Variants in SLC26A6 observed in about 807,000 individuals in gnomAD.
SLC26A6 encodes anion exchange transporter.
Under a neutral mutation model 87.1 loss-of-function variants are expected in SLC26A6, and 67 were observed. The ratio of observed to expected loss-of-function variants is 0.77; its 90% confidence interval spans 0.63 to 0.94. The LOEUF (loss-of-function observed/expected upper bound fraction) is 0.94. SLC26A6 is among the 40% of genes least tolerant of loss of function. The pLI, the probability that SLC26A6 is intolerant of heterozygous loss-of-function variation, is 0.00. For missense variants in SLC26A6, 902 were observed against 973.0 expected (o/e 0.93, Z 0.97); for synonymous variants, 414 against 405.9 (o/e 1.02, Z -0.24).
Position 48,628,115 on chromosome 3 carries a change from G to T in SLC26A6, c.1801-77C>A. ...AGCCATGTCACATAGGCCTGGTGAT[G>T]CCCCCTGGTGCTGGGCAGGTGGGTG... On this transcript the variant is annotated intron_variant, in intron 16 of 20. Coordinates refer to ENST00000395550, the MANE Select transcript of SLC26A6 (RefSeq NM_022911.3). This position sits in a 1 kb window ranked among gnomAD's most constrained non-coding sequence, Gnocchi z 4.4. 1 of 1,351,618 alleles carries T rather than the reference G, an allele frequency of 7.4e-7. No homozygotes were observed. Among genetic ancestry groups the T allele is most frequent in the South Asian group, 1.4e-5 (1 of 70,668 alleles). 83.7% of individuals were successfully genotyped at this position (1,351,618 alleles called of 1,614,324 possible).
At chr3:48,630,023 G>T in intron 12 of SLC26A6, 39 bp downstream of exon 12, 2 of 1,613,888 alleles carry the variant, frequency 1.2e-6, no homozygotes, top group South Asian at 2.2e-5. Flanking sequence ...GGAGCCATGG[G>T]GCTGCCCAGT....
Position 48,628,199 on chromosome 3 carries a change from G to C in SLC26A6, c.1801-161C>G, listed in dbSNP as rs550274634. 5.1e-6 allele frequency: 4 copies of C among 783,860 alleles called. No homozygotes were observed. The Admixed American group carries it at 1.2e-4, about 23-fold the overall frequency. 48.6% of individuals were successfully genotyped at this position (783,860 alleles called of 1,614,324 possible). A position where few individuals can be genotyped will look rare whatever the true frequency, so the allele number is the denominator to read the frequency against. On this transcript the variant is annotated intron_variant, in intron 16 of 20. Coordinates refer to ENST00000395550, the MANE Select transcript of SLC26A6 (RefSeq NM_022911.3). The surrounding 1 kb of genome is among the most constrained non-coding windows in gnomAD (Gnocchi z 4.4). Reference sequence around the variant, plus strand: ...CCAGGCTGAAGCTCCTGGAACAGCCGTGAAAGGGAAGAGGACTGTGACGGT... The same window carrying C: ...CCAGGCTGAAGCTCCTGGAACAGCCCTGAAAGGGAAGAGGACTGTGACGGT...
At chr3:48,631,516 G>T in intron 7 of SLC26A6, 133 bp downstream of exon 7, 2 of 1,238,766 alleles carry the variant, frequency 1.6e-6, no homozygotes, top group Non-Finnish European at 2.2e-6. Context: ...GCTTTCTGCT[G>T]TGCCCCCCAC....
chr3:48,626,723 CAG>C, intron 18 of SLC26A6, 38 bp from the exon 19 acceptor site: 1 of 1,613,274 alleles, frequency 6.2e-7, no homozygotes, highest in Non-Finnish European at 8.5e-7. Context: ...GAGGGAGGCT[CAG>C]GGACTCAGAG....
chr3:48,635,261 C>T, intron 1 of SLC26A6, 110 bp downstream of exon 1: 4 of 1,162,990 alleles, frequency 3.4e-6, no homozygotes, highest in Non-Finnish European at 4.7e-6. Flanking sequence ...AGAGGTAAAC[C>T]GAGGCGTCGC....
In SLC26A6 at chr3:48,633,490, G is replaced by A. The variant is rs776632960; in HGVS notation, c.169C>T (p.Arg57Trp). Reference sequence around the variant, plus strand: ...TCTTGGCCTTACTGCAACCAGGTCCGCCACTGGTGGGTCCTAGGTGCTGAG... The same window carrying A: ...TCTTGGCCTTACTGCAACCAGGTCCACCACTGGTGGGTCCTAGGTGCTGAG... ...WGSAPRTHQW[R>W]TWLQCSRARA... Residue 57 changes from arginine (R) to tryptophan (W), a missense_variant, in exon 2 of 21, where the codon CGG (arginine) becomes TGG (tryptophan). Coordinates refer to ENST00000395550, the MANE Select transcript of SLC26A6 (RefSeq NM_022911.3). The A allele has an allele frequency of 5.0e-6, 8 of 1,613,100 alleles. No individual in the cohort carries two copies. Among genetic ancestry groups the A allele is most frequent in the East Asian group, 2.2e-5 (1 of 44,884 alleles).
Position 48,626,790 on chromosome 3 carries a change from G to A in SLC26A6, c.2073+86C>T. On this transcript the variant is annotated intron_variant, in intron 18 of 20. Transcript: ENST00000395550. ...TTAGAAGGGGAGCTTTGAGGGTTTG[G>A]GGAGTCAGAGGCTGGGAGTGCTCTC... 1.0e-5 allele frequency: 16 copies of A among 1,606,800 alleles called. No individual in the cohort carries two copies. In the South Asian group the frequency reaches 1.7e-4, roughly 17 times the overall value.
chr3:48,626,829 G>A, intron 18 of SLC26A6, 47 bp downstream of exon 18: 1 of 1,605,520 alleles, frequency 6.2e-7, no homozygotes, highest in East Asian at 2.2e-5. Flanking sequence ...GCAAATTACA[G>A]GGTCAGTGTG....
chr3:48,630,291 C>A, intron 11 of SLC26A6, 134 bp from the exon 12 acceptor site: 6 of 1,301,976 alleles, frequency 4.6e-6, no homozygotes, highest in Non-Finnish European at 6.4e-6. Flanking sequence ...CAGCCCCTGA[C>A]CCTTGTCTCC....
chr3:48,628,615 G>A lies in SLC26A6; in HGVS notation c.1692+7C>T, dbSNP rs369774432. On this transcript the variant is annotated splice_region_variant and intron_variant, in intron 15 of 20. Coordinates refer to ENST00000395550, the MANE Select transcript of SLC26A6 (RefSeq NM_022911.3). The surrounding 1 kb of genome is among the most constrained non-coding windows in gnomAD (Gnocchi z 4.4). ...GCCTGACACCCATCCTGGGGACTCCGTCTCACCCTCTGCTTCAGCGCATCA... is the reference window on the plus strand; with the variant it reads ...GCCTGACACCCATCCTGGGGACTCCATCTCACCCTCTGCTTCAGCGCATCA... The A allele has an allele frequency of 2.3e-5, 37 of 1,613,840 alleles. No individual in the cohort carries two copies. Among genetic ancestry groups the A allele is most frequent in the African/African-American group, 9.3e-5 (7 of 74,910 alleles).
In SLC26A6 at chr3:48,632,478, G is replaced by A. The variant is rs1033792584; in HGVS notation, c.434-82C>T. The A allele has an allele frequency of 7.9e-6, 12 of 1,526,728 alleles. No homozygotes were observed. The East Asian group carries it at 2.2e-4, about 28-fold the overall frequency. 94.6% of individuals were successfully genotyped at this position (1,526,728 alleles called of 1,614,324 possible). A position where few individuals can be genotyped will look rare whatever the true frequency, so the allele number is the denominator to read the frequency against. On this transcript the variant is annotated intron_variant, in intron 4 of 20. Transcript: ENST00000395550. ...GCCCTGGTCTTAAGAGAGAGGCCAG[G>A]AGACTTCCAGTTCTGGATAAATGTA...
At position 48,635,415 on chromosome 3, in the gene SLC26A6, G is replaced by C. The variant is rs778537326; in HGVS notation, c.-22C>G. The C allele has an allele frequency of 1.9e-6, 3 of 1,577,110 alleles. No individual in the cohort carries two copies. The highest frequency in any genetic ancestry group is 2.7e-5 in the African/African-American group (2 of 73,944). On this transcript the variant is annotated 5_prime_UTR_variant, in exon 1 of 21. Transcript: ENST00000395550. ...CCATGGCTCGCAAGTTGTCCGGTGC[G>C]GGCTGCTCCTGCTGCTCGAGCTAGA... is the stretch of plus-strand genomic sequence containing the variant.
intron 2 of SLC26A6, 36 bp downstream of exon 2, chr3:48,633,441 C>G: frequency 6.2e-7 from 1 of 1,612,168 alleles, no homozygotes; most frequent in Non-Finnish European, 8.5e-7. Flanking sequence ...CTACCTGGGC[C>G]CCGCCAGCGC....
Position 48,626,365 on chromosome 3 carries a change from G to C in SLC26A6, c.2129-11C>G. ...GGCTGACCACAGGGCCTGTGGGCAA[G>C]AAGTAGGCCTCCCCTGACTCTCAGA... On this transcript the variant is annotated splice_polypyrimidine_tract_variant and intron_variant, in intron 19 of 20. Transcript: ENST00000395550. The C allele has an allele frequency of 1.9e-6, 3 of 1,613,972 alleles. No individual in the cohort carries two copies. The highest frequency in any genetic ancestry group is 2.5e-6 in the Non-Finnish European group (3 of 1,179,996).
chr3:48,629,798 G>C (rs1294171451), intron 13 of SLC26A6, 74 bp downstream of exon 13: 1 of 1,602,252 alleles, frequency 6.2e-7, no homozygotes, highest in Non-Finnish European at 8.6e-7. Flanking sequence ...CCCCAGAGAT[G>C]TGGGGAAAGC....
chr3:48,630,485 G>A lies in SLC26A6; in HGVS notation c.1279C>T (p.Leu427Phe). ...VAGAISSLFI[L>F]LIIVKLGELF... ...TCCCCAAGTTTGACAATGATGAGGA[G>A]GATGAAAAGGGAAGAGATGGCTCCA... The change falls in exon 11 of 21, where the codon CTC becomes TTC. Residue 427 changes from leucine to phenylalanine, a missense_variant. Coordinates refer to ENST00000395550, the MANE Select transcript of SLC26A6 (RefSeq NM_022911.3). The A allele has an allele frequency of 6.4e-7, 1 of 1,561,552 alleles. No homozygotes were observed.
At chr3:48,633,920 A>G in intron 1 of SLC26A6, 1 of 1,285,140 alleles carries the variant, frequency 7.8e-7, no homozygotes, top group Non-Finnish European at 9.9e-7. Context: ...GTGGCAGCCC[A>G]GTGCTGAGTG....
At position 48,629,709 on chromosome 3, in the gene SLC26A6, G is replaced by A. The variant is rs1343830423; in HGVS notation, c.1532C>T (p.Pro511Leu). ...LLLVVVRTQM[P>L]HYSVLGQVPD... The stretch of plus-strand genomic sequence containing the variant: ...CACCTGCCCCAGGACAGAGTAGTGG[G>A]GCCTGTGAAGGAGAGAGAGAATGCA... Residue 511 changes from proline to leucine, a missense_variant and splice_region_variant, in exon 14 of 21, where the codon CCC (proline) becomes CTC (leucine). Around this residue, in one of 3 missense-constraint regions of SLC26A6, gnomAD observed 800 missense variants for 856.8 expected, o/e 0.93. Transcript: ENST00000395550. The A allele has an allele frequency of 1.9e-6, 3 of 1,613,236 alleles. No homozygotes were observed. The highest frequency in any genetic ancestry group is 2.5e-6 in the Non-Finnish European group (3 of 1,179,558).
chr3:48,631,684 G>C lies in SLC26A6; in HGVS notation c.868C>G (p.Gln290Glu). The change falls in exon 7 of 21, where the codon CAG (glutamine) becomes GAG (glutamate). Residue 290 changes from glutamine (Q) to glutamate (E), a missense_variant. Around this residue, in one of 3 missense-constraint regions of SLC26A6, gnomAD observed 800 missense variants for 856.8 expected, o/e 0.93. Transcript: ENST00000395550. ...TCCCCGGGTATCGGCATGGGCAGCT[G>C]CTGCTGCAGCTTGTCATTCAACAGC... ...VKLLNDKLQQ[Q>E]LPMPIPGELL... 1 of 1,613,242 alleles carries C rather than the reference G, an allele frequency of 6.2e-7. No individual in the cohort carries two copies. Among genetic ancestry groups the C allele is most frequent in the Non-Finnish European group, 8.5e-7 (1 of 1,180,002 alleles).
Sources: gnomAD v4.1 joint callset for allele counts on GRCh38, gnomAD v4.1.1 for gene constraint, gnomAD v4.1.1 regional missense constraint, Gnocchi (gnomAD v3.1) non-coding constraint, MANE v1.5 for transcripts, NCBI Gene and HGNC (gene_info 2026-07-23, HGNC 2026-07-21) for gene names.